The following SLC16A9 variants were observed in gnomAD, a reference collection of about 807,000 sequenced individuals.
SLC16A9 encodes the protein solute carrier family 16 member 9, also known as monocarboxylate transporter 9.
Under a neutral mutation model 44.3 loss-of-function variants are expected in SLC16A9, and 26 were observed. That is an observed-to-expected ratio of 0.59 (90% confidence interval 0.43 to 0.81). The LOEUF is 0.81. Ranked by LOEUF, SLC16A9 falls within the 40% of genes least tolerant of loss-of-function variation. SLC16A9 has a pLI of 0.00. For missense variants in SLC16A9, 559 were observed against 595.8 expected (o/e 0.94, Z 0.64); for synonymous variants, 230 against 225.1 (o/e 1.02, Z -0.19).
intron 1 of SLC16A9, among the ~76,000 whole-genome samples, chr10:59,693,220 C>T (rs1840289929): frequency 6.6e-6 from 1 of 152,224 alleles, no homozygotes; most frequent in Non-Finnish European, 1.5e-5. Context: ...TAAGTCTCCT[C>T]TGGGTCAAAG....
chr10:59,688,056 C>T (rs1840173299), intron 1 of SLC16A9, among the ~76,000 whole-genome samples: 1 of 152,104 alleles, frequency 6.6e-6, no homozygotes, highest in East Asian at 1.9e-4. Context: ...AGATCCAAGG[C>T]TTAACCTTCA....
chr10:59,686,730 A>G (rs1840142091), intron 1 of SLC16A9, among the ~76,000 whole-genome samples: 1 of 152,200 alleles, frequency 6.6e-6, no homozygotes, highest in East Asian at 1.9e-4. Context: ...ATAGTCACCT[A>G]CAGTTACAAT....
intron 3 of SLC16A9, among the ~76,000 whole-genome samples, chr10:59,669,296 C>T (rs1396797415): frequency 6.6e-6 from 1 of 152,132 alleles, no homozygotes; most frequent in Non-Finnish European, 1.5e-5. Context: ...TGCCTTTTGC[C>T]TGATTTAGAA....
intron 2 of SLC16A9, among the ~76,000 whole-genome samples, chr10:59,680,682 C>T (rs900815215): frequency 1.3e-5 from 2 of 152,086 alleles, no homozygotes; most frequent in Admixed American, 6.6e-5. Flanking sequence ...ACTTTGGGGA[C>T]TTTAAAAAAT....
chr10:59,696,895 C>T (rs1840396509), intron 1 of SLC16A9, among the ~76,000 whole-genome samples: 1 of 147,060 alleles, frequency 6.8e-6, no homozygotes, highest in African/African-American at 2.5e-5. Flanking sequence ...AAGTGAGGAG[C>T]GTCTCCGCCC....
At chr10:59,679,007 A>C (rs76895704) in intron 2 of SLC16A9, among the ~76,000 whole-genome samples, 1 of 152,124 alleles carries the variant, frequency 6.6e-6, no homozygotes, top group Non-Finnish European at 1.5e-5. Flanking sequence ...GGGCCTGGCC[A>C]TACTGACTCA....
intron 4 of SLC16A9, among the ~76,000 whole-genome samples, chr10:59,660,483 A>G (rs1839447261): frequency 6.6e-6 from 1 of 152,196 alleles, no homozygotes; most frequent in African/African-American, 2.4e-5. Context: ...GATCAATAAC[A>G]AGCTCTGAAA....
At chr10:59,665,427 A>G (rs1423031158) in intron 3 of SLC16A9, among the ~76,000 whole-genome samples, 2 of 152,232 alleles carry the variant, frequency 1.3e-5, no homozygotes, top group African/African-American at 4.8e-5. Flanking sequence ...TTAGGAAATC[A>G]GCACTTAACC....
chr10:59,697,705 C>A (rs952146045), intron 1 of SLC16A9, among the ~76,000 whole-genome samples: 3 of 144,752 alleles, frequency 2.1e-5, no homozygotes, highest in African/African-American at 7.7e-5. Context: ...TCCCCCTCTG[C>A]GAGAAACACC....
intron 1 of SLC16A9, among the ~76,000 whole-genome samples, chr10:59,691,864 C>T (rs1431595719): frequency 6.6e-6 from 1 of 152,172 alleles, no homozygotes; most frequent in Non-Finnish European, 1.5e-5. Flanking sequence ...CATTTAAGAA[C>T]ACTGAGTATT....
chr10:59,674,465 G>A (rs1486843357), intron 2 of SLC16A9, among the ~76,000 whole-genome samples: 1 of 152,150 alleles, frequency 6.6e-6, no homozygotes, highest in African/African-American at 2.4e-5. Context: ...CAGAAGAGGA[G>A]ACTGATACAT....
intron 1 of SLC16A9, among the ~76,000 whole-genome samples, chr10:59,694,040 C>T (rs1345626830): frequency 1.0e-4 from 15 of 149,882 alleles, no homozygotes; most frequent in African/African-American, 3.7e-4. Flanking sequence ...CGGGTTCAGG[C>T]CATTCTCCTG....
At chr10:59,672,652 A>T in intron 3 of SLC16A9, 118 bp downstream of exon 3, 1 of 1,043,416 alleles carries the variant, frequency 9.6e-7, no homozygotes, top group Non-Finnish European at 1.4e-6. Context: ...GGTTATTGAA[A>T]GTAAATTATT....
intron 1 of SLC16A9, among the ~76,000 whole-genome samples, chr10:59,697,440 C>A (rs1269038390): frequency 6.6e-6 from 1 of 151,644 alleles, no homozygotes; most frequent in East Asian, 1.9e-4. Flanking sequence ...TACCCCCAAC[C>A]CTGTGCTCTC....
intron 3 of SLC16A9, among the ~76,000 whole-genome samples, chr10:59,671,546 C>T (rs1163254840): frequency 6.6e-6 from 1 of 152,126 alleles, no homozygotes; most frequent in Non-Finnish European, 1.5e-5. Context: ...TTTCCCCAGT[C>T]CCTGATATTT....
chr10:59,681,706 ATGTATATGTATATGATG>A lies in SLC16A9; in HGVS notation c.196+2373_196+2389del, dbSNP rs1840013541. 8.1e-5 allele frequency among the ~76,000 whole-genome samples: 3 copies of A among 36,846 alleles called. 1 individual carries two copies. The Admixed American group carries it at 1.5e-3, about 18-fold the overall frequency. The allele number at this position is 36,846 out of a possible 152,430, so 24.2% of individuals were successfully genotyped here. On this transcript the variant is annotated intron_variant, in intron 2 of 5. Coordinates refer to ENST00000395348, the MANE Select transcript of SLC16A9 (RefSeq NM_194298.3). ...TATGTATATGTATATATATATGTAT[ATGTATATGTATATGATG>A]TATATGTATATGTATATGATGTATA...
At chr10:59,691,962 A>G (rs915537700) in intron 1 of SLC16A9, among the ~76,000 whole-genome samples, 1 of 152,246 alleles carries the variant, frequency 6.6e-6, no homozygotes, top group Non-Finnish European at 1.5e-5. Flanking sequence ...TTTTCAGCTG[A>G]CAGTTTCCTG....
At chr10:59,707,423 G>A (rs1196350400) in intron 1 of SLC16A9, among the ~76,000 whole-genome samples, 4 of 151,814 alleles carry the variant, frequency 2.6e-5, no homozygotes, top group Non-Finnish European at 5.9e-5. Context: ...GTTACCAGTA[G>A]GTAGGGTTGG....
chr10:59,700,062 T>C (rs1436133626), intron 1 of SLC16A9, among the ~76,000 whole-genome samples: 3 of 152,080 alleles, frequency 2.0e-5, no homozygotes, highest in Admixed American at 6.6e-5. Flanking sequence ...AAGAAGAAAG[T>C]CTCAGTGAGG....
Sources: allele counts gnomAD v4.1 joint callset (sites outside exome capture counted in the v4.1 genomes callset), GRCh38; gene constraint gnomAD v4.1.1; transcripts MANE v1.5; gene names NCBI Gene and HGNC (gene_info 2026-07-23, HGNC 2026-07-21).